Variants in ARMC9 observed in about 807,000 individuals in gnomAD.
ARMC9 encodes the protein armadillo repeat containing 9, also known as lisH domain-containing protein ARMC9.
A neutral mutation model predicts 107.0 loss-of-function variants in ARMC9; 94 were observed. That is an observed-to-expected ratio of 0.88 (90% confidence interval 0.74 to 1.04). The LOEUF (loss-of-function observed/expected upper bound fraction) is 1.04, where lower values mean the gene tolerates loss of function less well. Ranked by LOEUF, ARMC9 falls within the 50% of genes least tolerant of loss-of-function variation. ARMC9 has a pLI of 0.00. For synonymous variants in ARMC9, 380 were observed against 396.9 expected (o/e 0.96, Z 0.51); for missense variants, 942 against 1,030.1 (o/e 0.91, Z 1.17).
At chr2:231,299,769 T>C (rs150334078) in intron 19 of ARMC9, among the ~76,000 whole-genome samples, 180 of 152,184 alleles carry the variant, frequency 1.2e-3, no homozygotes, top group African/African-American at 3.9e-3. Context: ...CAGGATGGCA[T>C]TGAAAATATG....
intron 19 of ARMC9, among the ~76,000 whole-genome samples, chr2:231,311,127 C>G (rs1478567679): frequency 1.3e-5 from 2 of 151,800 alleles, no homozygotes; most frequent in Admixed American, 1.3e-4. Context: ...GACTGTGTCT[C>G]AAAAAAATAA....
chr2:231,226,866 G>T (rs1355078042), intron 7 of ARMC9, 68 bp downstream of exon 7: 13 of 1,519,680 alleles, frequency 8.6e-6, no homozygotes, highest in Non-Finnish European at 6.4e-6. Flanking sequence ...TAGTAAGATC[G>T]GTGCAAAGAT....
chr2:231,234,813 C>T (rs946459951), intron 7 of ARMC9, among the ~76,000 whole-genome samples: 3 of 152,178 alleles, frequency 2.0e-5, no homozygotes, highest in Non-Finnish European at 2.9e-5. Flanking sequence ...ACCATGTTGC[C>T]CAGGCTGGTC....
chr2:231,345,262 C>T (rs2044754613), intron 21 of ARMC9, 172 bp downstream of exon 21: 3 of 1,261,078 alleles, frequency 2.4e-6, no homozygotes, highest in Non-Finnish European at 2.1e-6. Context: ...TTCTCCCTTC[C>T]CCCAGGATTT....
intron 22 of ARMC9, among the ~76,000 whole-genome samples, chr2:231,356,754 A>G (rs962957285): frequency 6.6e-6 from 1 of 152,194 alleles, no homozygotes; most frequent in Non-Finnish European, 1.5e-5. Context: ...GTTATTTTAC[A>G]TGTGCTTTAC....
chr2:231,225,971 C>T (rs1237226776), intron 6 of ARMC9, among the ~76,000 whole-genome samples: 1 of 152,200 alleles, frequency 6.6e-6, no homozygotes, highest in Non-Finnish European at 1.5e-5. Context: ...ATTCTCCTGC[C>T]TCAGCCTCCC....
rs916511625 is a variant in ARMC9, at chr2:231,369,210, G to A, written c.2262-743G>A. ...GGCTGGACCCAAGGCTCCATGGCAT[G>A]GGGATTCTTGCCCATGGGTGCCTGC... is the stretch of plus-strand genomic sequence containing the variant. On this transcript the variant is annotated intron_variant, in intron 23 of 24. Coordinates refer to ENST00000611582, the MANE Select transcript of ARMC9 (RefSeq NM_001352754.2). 3.9e-5 allele frequency among the ~76,000 whole-genome samples: 6 copies of A among 152,336 alleles called. No homozygotes were observed. In the South Asian group the frequency reaches 1.2e-3, roughly 32 times the overall value.
At chr2:231,309,534 G>C (rs2042218677) in intron 19 of ARMC9, among the ~76,000 whole-genome samples, 1 of 151,864 alleles carries the variant, frequency 6.6e-6, no homozygotes, top group Non-Finnish European at 1.5e-5. Flanking sequence ...CTATCCATTT[G>C]ATCAAATCAC....
At chr2:231,199,208 G>A (rs2125292698) in intron 1 of ARMC9, among the ~76,000 whole-genome samples, 1 of 152,262 alleles carries the variant, frequency 6.6e-6, no homozygotes, top group African/African-American at 2.4e-5. Context: ...TTCTTATATA[G>A]GAATTCAAAA....
At chr2:231,256,521 T>G in intron 9 of ARMC9, 65 bp from the exon 10 acceptor site, 17 of 1,575,748 alleles carry the variant, frequency 1.1e-5, no homozygotes, top group Non-Finnish European at 1.5e-5. Flanking sequence ...TTAGGGTGAT[T>G]TGGGATCCGT....
rs1388092974 is a variant in ARMC9, at chr2:231,376,683, T to C, written c.*5148T>C. On this transcript the variant is annotated 3_prime_UTR_variant, in exon 25 of 25. Coordinates refer to ENST00000611582, the MANE Select transcript of ARMC9 (RefSeq NM_001352754.2). ...CCTGCCTCCACTTGCCTTGTGATAT[T>C]CTATTACCCTGTTAAGTACTTGATG... Among the ~76,000 whole-genome samples the C allele has an allele frequency of 3.3e-5, 5 of 152,110 alleles. No individual in the cohort carries two copies. Among genetic ancestry groups the C allele is most frequent in the African/African-American group, 1.2e-4 (5 of 41,414 alleles).
chr2:231,305,898 C>G (rs1559436192), intron 19 of ARMC9, among the ~76,000 whole-genome samples: 1 of 152,134 alleles, frequency 6.6e-6, no homozygotes, highest in Non-Finnish European at 1.5e-5. Context: ...ATAAACTCAT[C>G]ACTCATCAAT....
rs949989113 is a variant in ARMC9 at position 231,371,386 on chromosome 2, C to T, written c.2435-127C>T. On this transcript the variant is annotated intron_variant, in intron 24 of 24. Transcript: ENST00000611582. ...CGCCAGTCGAGCCCAGGCCACAGAA[C>T]AGGTGACCTGGGAGAGGGAAGGTTC... is the stretch of plus-strand genomic sequence containing the variant. 4.4e-6 allele frequency: 5 copies of T among 1,133,324 alleles called. No homozygotes were observed. The Admixed American group carries it at 9.4e-5, about 21-fold the overall frequency. 70.2% of individuals were successfully genotyped at this position (1,133,324 alleles called of 1,614,324 possible). A position where few individuals can be genotyped will look rare whatever the true frequency, so the allele number is the denominator to read the frequency against.
At chr2:231,238,204 A>C (rs2035951323) in intron 8 of ARMC9, among the ~76,000 whole-genome samples, 1 of 152,128 alleles carries the variant, frequency 6.6e-6, no homozygotes, top group Non-Finnish European at 1.5e-5. Context: ...ATAAGGATCT[A>C]GGGTGAAAAA....
chr2:231,310,844 A>C (rs1201377878), intron 19 of ARMC9, among the ~76,000 whole-genome samples: 1 of 150,176 alleles, frequency 6.7e-6, no homozygotes, highest in Non-Finnish European at 1.5e-5. Flanking sequence ...ACAGAAAAGC[A>C]GGCCAGGCAC....
At chr2:231,365,685 ACCAGCCGCACACACAGCAGATAGGAC>A (rs1405548440) in intron 23 of ARMC9, among the ~76,000 whole-genome samples, 19 of 143,166 alleles carry the variant, frequency 1.3e-4, no homozygotes, top group East Asian at 7.7e-4. Flanking sequence ...GCAGATGGGA[ACCAGCCGCACACACAGCAGATAGGAC>A]CCAGCCGCAC....
At chr2:231,335,732 C>G (rs2044045356) in intron 20 of ARMC9, among the ~76,000 whole-genome samples, 1 of 152,180 alleles carries the variant, frequency 6.6e-6, no homozygotes, top group African/African-American at 2.4e-5. Flanking sequence ...GCTTCTCCTG[C>G]CTCTAGTATT....
At chr2:231,330,446 G>A (rs539261948) in intron 19 of ARMC9, among the ~76,000 whole-genome samples, 12 of 152,198 alleles carry the variant, frequency 7.9e-5, no homozygotes, top group Admixed American at 7.2e-4. Context: ...CACTCACTGC[G>A]CCCCACATGG....
chr2:231,337,290 A>ATATATATATATATATTTTTT (rs1343774735), intron 20 of ARMC9, among the ~76,000 whole-genome samples: 1 of 38,028 alleles, frequency 2.6e-5, no homozygotes, highest in African/African-American at 1.2e-4. Flanking sequence ...ATATATATAT[A>ATATATATATATATATTTTTT]TTTTTTTTTT....
Sources: allele counts gnomAD v4.1 joint callset (sites outside exome capture counted in the v4.1 genomes callset), GRCh38; gene constraint gnomAD v4.1.1; transcripts MANE v1.5; gene names NCBI Gene and HGNC (gene_info 2026-07-23, HGNC 2026-07-21).